The following LRRC4C variants were observed in gnomAD, a reference collection of about 807,000 sequenced individuals.
LRRC4C encodes the protein leucine rich repeat containing 4C, also known as leucine-rich repeat-containing protein 4C.
In LRRC4C, 5 loss-of-function variants were observed where a neutral mutation model predicts 33.6. That is an observed-to-expected ratio of 0.15 (90% confidence interval 0.08 to 0.31). LRRC4C has a LOEUF of 0.31. LRRC4C is among the 10% of genes least tolerant of loss of function. LRRC4C has a pLI of 1.00. For missense variants in LRRC4C, 560 were observed against 796.7 expected (o/e 0.70, Z 3.58); for synonymous variants, 329 against 302.0 (o/e 1.09, Z -0.93).
intron 5 of LRRC4C, among the ~76,000 whole-genome samples, chr11:40,179,599 G>A (rs542847411): frequency 2.6e-5 from 4 of 152,142 alleles, no homozygotes; most frequent in South Asian, 4.2e-4. Flanking sequence ...TCTTCTCCCC[G>A]GAGACTGAGT....
intron 1 of LRRC4C, among the ~76,000 whole-genome samples, chr11:41,333,202 G>T (rs1392957719): frequency 6.6e-6 from 1 of 152,126 alleles, no homozygotes; most frequent in African/African-American, 2.4e-5. Context: ...CTTTGTAATT[G>T]AAGAATCAAG....
rs1269523675 is a variant in LRRC4C at position 40,693,932 on chromosome 11, T to C, written c.-406-45654A>G. ...TACTTTTCTGCTATCAATGCCAACA[T>C]TGCAATTCCACACACTTTATGCTGC... On this transcript the variant is annotated intron_variant, in intron 2 of 6. Coordinates refer to ENST00000528697, the MANE Select transcript of LRRC4C (RefSeq NM_001258419.2). 2.0e-5 allele frequency among the ~76,000 whole-genome samples: 3 copies of C among 152,250 alleles called. No individual in the cohort carries two copies. The East Asian group carries it at 5.8e-4, about 29-fold the overall frequency.
At chr11:40,640,457 G>A (rs2136082651) in intron 3 of LRRC4C, among the ~76,000 whole-genome samples, 1 of 151,818 alleles carries the variant, frequency 6.6e-6, no homozygotes, top group East Asian at 1.9e-4. Flanking sequence ...TTTCTTCAAG[G>A]GGTGAAGCTT....
rs538164259 is a variant in LRRC4C at position 40,806,646 on chromosome 11, T to G, written c.-407+126989A>C. Among the ~76,000 whole-genome samples, 29 of 152,356 alleles carry G rather than the reference T, an allele frequency of 1.9e-4. No homozygotes were observed. In the South Asian group the frequency reaches 5.8e-3, roughly 30 times the overall value. ...GATAAGACCACAAATATTGTTGCAA[T>G]AATTTTTGATAAATCTGCCCAAATC... On this transcript the variant is annotated intron_variant, in intron 2 of 6. Transcript: ENST00000528697.
chr11:41,440,434 CTTTTAATTTTTACT>C (rs1955578942), intron 1 of LRRC4C, among the ~76,000 whole-genome samples: 1 of 151,892 alleles, frequency 6.6e-6, no homozygotes, highest in Non-Finnish European at 1.5e-5. Flanking sequence ...CTATGGTCTC[CTTTTAATTTTTACT>C]TTTTAATTTT....
chr11:40,625,454 A>G (rs1338626415), intron 3 of LRRC4C, among the ~76,000 whole-genome samples: 1 of 152,120 alleles, frequency 6.6e-6, no homozygotes, highest in Admixed American at 6.5e-5. Context: ...CTGCTCTTTT[A>G]AAACCATCAG....
At chr11:41,231,673 G>T (rs536268465) in intron 1 of LRRC4C, among the ~76,000 whole-genome samples, 1 of 151,444 alleles carries the variant, frequency 6.6e-6, no homozygotes, top group Non-Finnish European at 1.5e-5. Flanking sequence ...TAAATGACGC[G>T]TTAATGGGTG....
At chr11:40,591,354 A>T (rs1258619641) in intron 3 of LRRC4C, among the ~76,000 whole-genome samples, 3 of 152,058 alleles carry the variant, frequency 2.0e-5, no homozygotes, top group Non-Finnish European at 4.4e-5. Flanking sequence ...CGGTGCACGG[A>T]CCCACTGACC....
At chr11:40,505,350 T>C (rs916683045) in intron 3 of LRRC4C, among the ~76,000 whole-genome samples, 7 of 152,178 alleles carry the variant, frequency 4.6e-5, no homozygotes, top group African/African-American at 1.7e-4. Context: ...TATATTCTCA[T>C]ACCTTGTGTT....
intron 1 of LRRC4C, among the ~76,000 whole-genome samples, chr11:41,012,156 G>A (rs1855248573): frequency 6.6e-6 from 1 of 151,724 alleles, no homozygotes; most frequent in Admixed American, 6.6e-5. Context: ...TCACTCTACT[G>A]GTCTGTCAAA....
chr11:41,422,094 C>T (rs1269860802), intron 1 of LRRC4C, among the ~76,000 whole-genome samples: 2 of 152,056 alleles, frequency 1.3e-5, no homozygotes, highest in Non-Finnish European at 2.9e-5. Context: ...GTAGAGTATT[C>T]TCTTTCCTAG....
Position 40,226,365 on chromosome 11 carries a change from C to T in LRRC4C, c.-96+15154G>A, listed in dbSNP as rs116993496. 1.8e-3 allele frequency among the ~76,000 whole-genome samples: 278 copies of T among 152,290 alleles called. 4 individuals carry two copies. In the East Asian group the frequency reaches 0.025, roughly 14 times the overall value. ...TCCTATGACCAATTTTCTACAAAGC[C>T]TCAATACCACCACAGCATCACATTA... On this transcript the variant is annotated intron_variant, in intron 5 of 6. Transcript: ENST00000528697.
chr11:40,300,029 T>C (rs1944693914), intron 4 of LRRC4C, among the ~76,000 whole-genome samples: 1 of 152,152 alleles, frequency 6.6e-6, no homozygotes, highest in South Asian at 2.1e-4. Flanking sequence ...TGGTAGCATA[T>C]GCTTCTGGGG....
chr11:40,539,334 G>A (rs1956608232), intron 3 of LRRC4C, among the ~76,000 whole-genome samples: 1 of 152,024 alleles, frequency 6.6e-6, no homozygotes, highest in Non-Finnish European at 1.5e-5. Context: ...TACCTATATT[G>A]ATTTATTCTC....
In LRRC4C at chr11:40,553,829, T is replaced by A. The variant is rs1957222988; in HGVS notation, c.-270+94313A>T. On this transcript the variant is annotated intron_variant, in intron 3 of 6. Transcript: ENST00000528697. ...TGATTTGCTTAAGTTCCTCGTAGATTCTAGATATTTGTCCTTTGTTGGATG... is the reference window on the plus strand; with the variant it reads ...TGATTTGCTTAAGTTCCTCGTAGATACTAGATATTTGTCCTTTGTTGGATG... Among the ~76,000 whole-genome samples the A allele has an allele frequency of 2.0e-5, 3 of 152,328 alleles. No individual in the cohort carries two copies. In the South Asian group the frequency reaches 6.2e-4, roughly 32 times the overall value.
At chr11:41,109,805 C>G (rs1308546786) in intron 1 of LRRC4C, among the ~76,000 whole-genome samples, 1 of 152,036 alleles carries the variant, frequency 6.6e-6, no homozygotes, top group African/African-American at 2.4e-5. Flanking sequence ...CTAGACCTAA[C>G]TCAAAGTAAC....
chr11:41,066,897 AAG>A (rs1938284297), intron 1 of LRRC4C, among the ~76,000 whole-genome samples: 1 of 152,212 alleles, frequency 6.6e-6, no homozygotes, highest in African/African-American at 2.4e-5. Context: ...CCTTCCTTGC[AAG>A]AGCTCCTGAA....
At chr11:41,033,597 C>T (rs1442482767) in intron 1 of LRRC4C, among the ~76,000 whole-genome samples, 1 of 152,042 alleles carries the variant, frequency 6.6e-6, no homozygotes, top group Non-Finnish European at 1.5e-5. Context: ...GGGCATTTGT[C>T]CACTGGTTTC....
rs568309174 is a variant in LRRC4C at position 40,853,324 on chromosome 11, T to C, written c.-407+80311A>G. 2.6e-4 allele frequency among the ~76,000 whole-genome samples: 40 copies of C among 150,976 alleles called. 1 individual carries two copies. In the South Asian group the frequency reaches 8.1e-3, roughly 31 times the overall value. On this transcript the variant is annotated intron_variant, in intron 2 of 6. Transcript: ENST00000528697. ...ATATATAGATATACATATATGTGTG[T>C]CTATATGCTTTATAATTTAACTATA... is the stretch of plus-strand genomic sequence containing the variant.
Sources: allele counts gnomAD v4.1 joint callset (sites outside exome capture counted in the v4.1 genomes callset), GRCh38; gene constraint gnomAD v4.1.1; transcripts MANE v1.5; gene names NCBI Gene and HGNC (gene_info 2026-07-23, HGNC 2026-07-21).